The following PPP6R2 variants were observed in gnomAD, a reference collection of about 807,000 sequenced individuals.
PPP6R2 encodes the protein serine/threonine-protein phosphatase 6 regulatory subunit 2.
In PPP6R2, 62 loss-of-function variants were observed where a neutral mutation model predicts 100.2. The ratio of observed to expected loss-of-function variants is 0.62; its 90% CI spans 0.50 to 0.76. The LOEUF (loss-of-function observed/expected upper bound fraction) is 0.76. Ranked by LOEUF, PPP6R2 falls within the 30% of genes least tolerant of loss-of-function variation. The pLI, the probability that PPP6R2 is intolerant of heterozygous loss-of-function variation, is 0.00. For synonymous variants in PPP6R2, 525 were observed against 514.7 expected, an observed-to-expected ratio of 1.02 and a Z score of -0.27; for missense variants, 1,142 against 1,276.3, an observed-to-expected ratio of 0.89 and a Z score of 1.60.
intron 2 of PPP6R2, among the ~76,000 whole-genome samples, chr22:50,393,104 A>T (rs2055987067): frequency 1.3e-5 from 2 of 152,236 alleles, no homozygotes; most frequent in Admixed American, 6.5e-5. Context: ...CATGTGAGAC[A>T]CTAGGAAGGA....
At chr22:50,369,749 A>G (rs1035256654) in intron 1 of PPP6R2, among the ~76,000 whole-genome samples, 1 of 151,638 alleles carries the variant, frequency 6.6e-6, no homozygotes. Context: ...TCAAGTGATC[A>G]CCCACCTCGG....
At chr22:50,365,678 C>CA (rs1199182923) in intron 1 of PPP6R2, among the ~76,000 whole-genome samples, 5,530 of 78,522 alleles carry the variant, frequency 0.07, 183 homozygotes, top group African/African-American at 0.15. Context: ...GACTCTGTCT[C>CA]AAAAAAAAAA....
Position 50,444,456 on chromosome 22 carries a change from G to A in PPP6R2, c.*209G>A, listed in dbSNP as rs970089157. The stretch of plus-strand genomic sequence containing the variant: ...CCTCTCAGGTCACTCGTGCCCTGCT[G>A]GAGGACAGAGGGGCACCTCAGCCGC... On this transcript the variant is annotated 3_prime_UTR_variant, in exon 24 of 24. Transcript: ENST00000612753. The A allele has an allele frequency of 1.9e-5, 11 of 592,164 alleles. No individual in the cohort carries two copies. The highest frequency in any genetic ancestry group is 3.1e-5 in the Non-Finnish European group (11 of 359,906). The allele number at this position is 592,164 out of a possible 1,614,324, so 36.7% of individuals were successfully genotyped here.
chr22:50,444,153 C>G (rs201349009), intron 23 of PPP6R2, 36 bp downstream of exon 23: 5 of 1,611,986 alleles, frequency 3.1e-6, no homozygotes, highest in Non-Finnish European at 4.2e-6. Context: ...GGGGTGTGGA[C>G]AGGGCCCGCA....
At chr22:50,421,807 G>A (rs1397771984) in intron 8 of PPP6R2, among the ~76,000 whole-genome samples, 1 of 152,128 alleles carries the variant, frequency 6.6e-6, no homozygotes, top group Non-Finnish European at 1.5e-5. Flanking sequence ...GGTGGAGGTT[G>A]CAGTGAGCTA....
At chr22:50,331,110 G>A in the PPP6R2 span, among the ~76,000 whole-genome samples, 2 of 152,166 alleles carry the variant, frequency 1.3e-5, no homozygotes, top group East Asian at 1.9e-4. Flanking sequence ...TGTGCCTCAC[G>A]TTATGTTTTT....
chr22:50,419,297 T>C (rs2060984771), intron 7 of PPP6R2, 52 bp from the exon 8 acceptor site: 2 of 1,493,852 alleles, frequency 1.3e-6, no homozygotes, highest in African/African-American at 2.8e-5. Flanking sequence ...CCTTGCATCC[T>C]TTGTGTGTGT....
intron 1 of PPP6R2, among the ~76,000 whole-genome samples, chr22:50,343,840 T>C (rs371350423): frequency 0.3 from 2,632 of 8,812 alleles, 357 homozygotes; most frequent in South Asian, 0.45. Context: ...CCAGTCAGTT[T>C]CCCCCCAGTC....
chr22:50,338,964 A>G (rs566984019), upstream of PPP6R2, among the ~76,000 whole-genome samples: 10 of 72,030 alleles, frequency 1.4e-4, no homozygotes, highest in South Asian at 4.9e-4. Flanking sequence ...GTGGGTGTGT[A>G]GGGTGTGTGG....
chr22:50,395,730 T>A (rs2056652402), intron 3 of PPP6R2, among the ~76,000 whole-genome samples: 1 of 151,928 alleles, frequency 6.6e-6, no homozygotes, highest in South Asian at 2.1e-4. Context: ...CCGGCTAATT[T>A]ATTTTTGTAT....
At chr22:50,425,099 C>G (rs1253015411) in intron 10 of PPP6R2, among the ~76,000 whole-genome samples, 3 of 152,208 alleles carry the variant, frequency 2.0e-5, no homozygotes, top group African/African-American at 7.2e-5. Context: ...TTATTCACAT[C>G]TAGAAGTTTT....
intron 2 of PPP6R2, chr22:50,388,877 AAAAAAG>A (rs1448351106): frequency 1.3e-5 from 2 of 152,042 alleles, no homozygotes; most frequent in Non-Finnish European, 2.9e-5. Flanking sequence ...TCTCAAAAAA[AAAAAAG>A]AAAAGAAAAA....
intron 2 of PPP6R2, among the ~76,000 whole-genome samples, chr22:50,381,869 C>A (rs1384002094): frequency 6.7e-6 from 1 of 149,676 alleles, no homozygotes; most frequent in Non-Finnish European, 1.5e-5. Context: ...GATCACACCA[C>A]TGCACTCCAG....
In PPP6R2 at chr22:50,432,335, A is replaced by G; in HGVS notation, c.1400+6A>G. 2 of 1,548,684 alleles carry G rather than the reference A, an allele frequency of 1.3e-6. No individual in the cohort carries two copies. Among genetic ancestry groups the G allele is most frequent in the Non-Finnish European group, 8.7e-7 (1 of 1,146,650 alleles). On this transcript the variant is annotated splice_donor_region_variant and intron_variant, in intron 12 of 23. Transcript: ENST00000612753. Reference sequence around the variant, plus strand: ...GAAGCCAACGACCACACGCAGTAAGAGCCGCTCGGACGTGGAGGGACCCAG... The same window carrying G: ...GAAGCCAACGACCACACGCAGTAAGGGCCGCTCGGACGTGGAGGGACCCAG...
chr22:50,436,465 G>A lies in PPP6R2; in HGVS notation c.1602+13G>A, dbSNP rs763715609. ...CACTGTGGACCTGGTGAGGAGGCTCGGGGCTGCCCCCTCGGTGCACGCACG... is the reference window on the plus strand; with the variant it reads ...CACTGTGGACCTGGTGAGGAGGCTCAGGGCTGCCCCCTCGGTGCACGCACG... On this transcript the variant is annotated intron_variant, in intron 14 of 23. Coordinates refer to ENST00000612753, the MANE Select transcript of PPP6R2 (RefSeq NM_001242898.2). The A allele has an allele frequency of 2.0e-5, 32 of 1,573,406 alleles. No individual in the cohort carries two copies. The highest frequency in any genetic ancestry group is 3.5e-4 in the Middle Eastern group (2 of 5,660).
At chr22:50,343,635 C>G (rs1354478605) in intron 1 of PPP6R2, 85 bp downstream of exon 1, 1 of 139,016 alleles carries the variant, frequency 7.2e-6, no homozygotes, top group East Asian at 2.4e-4. Context: ...AGTCAGTGCC[C>G]CCTCCAGATA....
rs28895367 is a variant in PPP6R2, at chr22:50,365,662, G to C, written c.-147-6358G>C. On this transcript the variant is annotated intron_variant, in intron 1 of 23. Transcript: ENST00000612753. Reference sequence around the variant, plus strand: ...CCACTGCATTCCAGCCTGTGCGACAGAGCAAGACTCTGTCTCAAAAAAAAA... The same window carrying C: ...CCACTGCATTCCAGCCTGTGCGACACAGCAAGACTCTGTCTCAAAAAAAAA... Among the ~76,000 whole-genome samples the C allele has an allele frequency of 7.5e-3, 1,095 of 146,342 alleles. 14 individuals carry two copies. Among genetic ancestry groups the C allele is most frequent in the African/African-American group, 0.026 (1,039 of 39,502 alleles).
In PPP6R2 at chr22:50,416,073, G is replaced by C. The variant is rs777585125; in HGVS notation, c.553-19G>C. 6.2e-7 allele frequency: 1 copy of C among 1,605,726 alleles called. No homozygotes were observed. The highest frequency in any genetic ancestry group is 8.5e-7 in the Non-Finnish European group (1 of 1,172,316). On this transcript the variant is annotated intron_variant, in intron 5 of 23. Transcript: ENST00000612753. Reference sequence around the variant, plus strand: ...TAGACTTGAGCAGCGACACTGAAAGGCCTCTTTTTCTCTTTCAGTGGCTGA... The same window carrying C: ...TAGACTTGAGCAGCGACACTGAAAGCCCTCTTTTTCTCTTTCAGTGGCTGA...
At chr22:50,421,706 A>G (rs2061362036) in intron 8 of PPP6R2, among the ~76,000 whole-genome samples, 1 of 151,916 alleles carries the variant, frequency 6.6e-6, no homozygotes, top group Admixed American at 6.6e-5. Flanking sequence ...AGGTCAGGTG[A>G]TCGAGACCAG....
Sources: allele counts gnomAD v4.1 joint callset (sites outside exome capture counted in the v4.1 genomes callset), GRCh38; gene constraint gnomAD v4.1.1; transcripts MANE v1.5; gene names NCBI Gene and HGNC (gene_info 2026-07-23, HGNC 2026-07-21).